ARHGAP21: variants seen among roughly 807,000 people sequenced by gnomAD.
The protein encoded by ARHGAP21 is Rho GTPase activating protein 21, also known as rho GTPase-activating protein 21.
A neutral mutation model predicts 164.6 loss-of-function variants in ARHGAP21; 38 were observed. That is an observed-to-expected ratio of 0.23 (90% CI 0.18 to 0.30). The LOEUF (loss-of-function observed/expected upper bound fraction) is 0.30. Among genes scored for constraint, ARHGAP21 ranks in the 10% least tolerant of loss-of-function variants. ARHGAP21 has a pLI of 1.00. For missense variants in ARHGAP21, 1,822 were observed against 2,370.7 expected (o/e 0.77, Z 4.81); for synonymous variants, 766 against 857.9 (o/e 0.89, Z 1.87).
At chr10:24,705,768 T>G (rs905594314) in intron 2 of ARHGAP21, among the ~76,000 whole-genome samples, 1 of 152,230 alleles carries the variant, frequency 6.6e-6, no homozygotes, top group African/African-American at 2.4e-5. Context: ...GGTAAATAAT[T>G]CATAGTTTTT....
chr10:24,647,576 T>C (rs1593154641), intron 4 of ARHGAP21, among the ~76,000 whole-genome samples: 1 of 152,300 alleles, frequency 6.6e-6, no homozygotes, highest in East Asian at 1.9e-4. Context: ...TTGAGAGCAG[T>C]CATTTTAGAA....
At position 24,607,761 on chromosome 10, in the gene ARHGAP21, C is replaced by A; in HGVS notation, c.2565G>T (p.Gln855His). 1.9e-6 allele frequency: 3 copies of A among 1,613,886 alleles called. No homozygotes were observed. Among genetic ancestry groups the A allele is most frequent in the East Asian group, 2.2e-5 (1 of 44,878 alleles). Residue 855 changes from glutamine (Q) to histidine (H), a missense_variant, in exon 10 of 26, where the codon CAG becomes CAT. This residue lies in a region of ARHGAP21 where 1,090 missense variants were observed against 1,378.9 expected (regional missense o/e 0.79). Coordinates refer to ENST00000396432, the MANE Select transcript of ARHGAP21 (RefSeq NM_020824.4). Reference sequence around the variant, plus strand: ...TAGACGTACCGTGGTCATGTGAGAGCTGACGGCGAATTAATGGAGCTGAAG... The same window carrying A: ...TAGACGTACCGTGGTCATGTGAGAGATGACGGCGAATTAATGGAGCTGAAG... ...LTTSAPLIRRQLSHDHESVGP... is the reference protein window; with the variant it reads ...LTTSAPLIRRHLSHDHESVGP...
intron 8 of ARHGAP21, 61 bp downstream of exon 8, chr10:24,622,672 T>C: frequency 1.9e-6 from 3 of 1,541,752 alleles, no homozygotes; most frequent in Admixed American, 1.9e-5. Context: ...GATTGGCTTA[T>C]TACAAATCTC....
At chr10:24,599,218 T>C (rs2076708907) in intron 14 of ARHGAP21, among the ~76,000 whole-genome samples, 1 of 152,220 alleles carries the variant, frequency 6.6e-6, no homozygotes. Flanking sequence ...GAAGGAGTTT[T>C]AACAATGACA....
At chr10:24,611,129 C>A (rs2077240646) in intron 9 of ARHGAP21, among the ~76,000 whole-genome samples, 1 of 152,150 alleles carries the variant, frequency 6.6e-6, no homozygotes, top group South Asian at 2.1e-4. Context: ...AGCGGCTGGC[C>A]CTCCTGTGGG....
chr10:24,625,299 G>GAAAAAAAAAAAAAAAAAAAAAAA (rs34935501), intron 7 of ARHGAP21, among the ~76,000 whole-genome samples: 1 of 53,796 alleles, frequency 1.9e-5, no homozygotes, highest in Admixed American at 2.3e-4. Context: ...ATGAAACAGA[G>GAAAAAAAAAAAAAAAAAAAAAAA]AAAAAAAAAA....
intron 2 of ARHGAP21, among the ~76,000 whole-genome samples, chr10:24,694,046 A>G (rs532378570): frequency 6.6e-6 from 1 of 152,184 alleles, no homozygotes; most frequent in East Asian, 1.9e-4. Context: ...CTGAAACTTC[A>G]TTTTTTTCTA....
intron 4 of ARHGAP21, among the ~76,000 whole-genome samples, chr10:24,660,588 G>T (rs775215258): frequency 2.6e-5 from 4 of 151,978 alleles, no homozygotes; most frequent in Non-Finnish European, 5.9e-5. Context: ...ACCAAATGAG[G>T]TTTCACCAAG....
chr10:24,671,095 T>C (rs375507235), intron 2 of ARHGAP21, among the ~76,000 whole-genome samples: 1 of 152,062 alleles, frequency 6.6e-6, no homozygotes, highest in African/African-American at 2.4e-5. Context: ...TCTACCACCC[T>C]TTCCCTGTCC....
At chr10:24,608,419 T>C (rs2077122564) in intron 9 of ARHGAP21, among the ~76,000 whole-genome samples, 1 of 152,132 alleles carries the variant, frequency 6.6e-6, no homozygotes, top group Non-Finnish European at 1.5e-5. Flanking sequence ...AAAATAAGTT[T>C]CCAGGGCCAT....
intron 9 of ARHGAP21, among the ~76,000 whole-genome samples, chr10:24,615,767 T>C (rs982396227): frequency 8.5e-6 from 1 of 117,986 alleles, no homozygotes; most frequent in Non-Finnish European, 2.0e-5. Flanking sequence ...GTTTTTGTTA[T>C]TTTATTATTT....
intron 10 of ARHGAP21, 54 bp downstream of exon 10, chr10:24,607,691 T>C: frequency 6.2e-7 from 1 of 1,610,956 alleles, no homozygotes; most frequent in Middle Eastern, 1.7e-4. Flanking sequence ...CATACTATTC[T>C]AAGTGGAAAA....
At chr10:24,685,213 C>G (rs965850213) in intron 2 of ARHGAP21, among the ~76,000 whole-genome samples, 4 of 152,020 alleles carry the variant, frequency 2.6e-5, no homozygotes, top group Non-Finnish European at 5.9e-5. Flanking sequence ...ATGCAACTTC[C>G]TAAAGGCAGA....
intron 7 of ARHGAP21, among the ~76,000 whole-genome samples, chr10:24,625,067 G>GGGGGGGGGGA (rs1834983406): frequency 1.5e-5 from 1 of 65,444 alleles, no homozygotes; most frequent in African/African-American, 5.6e-5. Context: ...GGGGGGGGAG[G>GGGGGGGGGGA]AGGAGGAGGA....
chr10:24,605,549 CA>C, intron 11 of ARHGAP21, among the ~76,000 whole-genome samples: 1 of 152,306 alleles, frequency 6.6e-6, no homozygotes, highest in East Asian at 1.9e-4. Context: ...GCTAGCCTCA[CA>C]CAAACCTCCC....
intron 9 of ARHGAP21, among the ~76,000 whole-genome samples, chr10:24,608,801 G>C (rs1179324440): frequency 6.6e-6 from 1 of 152,036 alleles, no homozygotes. Flanking sequence ...TTACATTTTA[G>C]GAAGAGAAGA....
In ARHGAP21 at chr10:24,687,310, C is replaced by T. The variant is rs915023424; in HGVS notation, c.64-16913G>A. On this transcript the variant is annotated intron_variant, in intron 2 of 25. Coordinates refer to ENST00000396432, the MANE Select transcript of ARHGAP21 (RefSeq NM_020824.4). The stretch of plus-strand genomic sequence containing the variant: ...TTCCTGACAAGATGCCCAAGTCTTA[C>T]TCTAGTGCCCAACACAAAACCTGAC... Among the ~76,000 whole-genome samples the T allele has an allele frequency of 2.6e-5, 4 of 152,234 alleles. No individual in the cohort carries two copies. The East Asian group carries it at 7.7e-4, about 29-fold the overall frequency.
At chr10:24,655,125 T>A (rs531664240) in intron 4 of ARHGAP21, among the ~76,000 whole-genome samples, 71 of 152,330 alleles carry the variant, frequency 4.7e-4, no homozygotes, top group African/African-American at 1.5e-3. Context: ...TAATTCAACA[T>A]GGATTAAAGA....
At chr10:24,611,736 G>A (rs985508814) in intron 9 of ARHGAP21, among the ~76,000 whole-genome samples, 1 of 151,866 alleles carries the variant, frequency 6.6e-6, no homozygotes, top group African/African-American at 2.4e-5. Context: ...AAAAAAAAAG[G>A]AAAAAGAAAA....
Sources: allele counts gnomAD v4.1 joint callset (sites outside exome capture counted in the v4.1 genomes callset), GRCh38; gene constraint gnomAD v4.1.1; regional missense constraint gnomAD v4.1.1; transcripts MANE v1.5; gene names NCBI Gene and HGNC (gene_info 2026-07-23, HGNC 2026-07-21).